GARIN1B: variants seen among roughly 807,000 people sequenced by gnomAD.
The protein encoded by GARIN1B is Golgi-associated RAB2 interactor protein 1B.
the GARIN1B span, among the ~76,000 whole-genome samples, chr7:128,710,905 G>A: frequency 2.6e-5 from 4 of 152,072 alleles, no homozygotes; most frequent in African/African-American, 4.8e-5. Flanking sequence ...TGATCCGCCC[G>A]CCTCAGCCTT....
At chr7:128,722,601 C>G in the GARIN1B span, among the ~76,000 whole-genome samples, 4 of 152,036 alleles carry the variant, frequency 2.6e-5, no homozygotes, top group Admixed American at 1.3e-4. Flanking sequence ...GTCAGGAGAT[C>G]GAGACCAGCC....
the GARIN1B span, chr7:128,715,112 G>T: frequency 4.2e-6 from 1 of 237,946 alleles, no homozygotes; most frequent in Non-Finnish European, 6.8e-6. Flanking sequence ...TTTCCTCTTA[G>T]CAGTGGAAGG....
At chr7:128,712,780 C>T in the GARIN1B span, among the ~76,000 whole-genome samples, 43,320 of 152,098 alleles carry the variant, frequency 0.28, 6,513 homozygotes, top group Middle Eastern at 0.43. Context: ...TTATTGGAAC[C>T]TACATCTATA....
At chr7:128,716,849 G>A in the GARIN1B span, 7 of 1,613,362 alleles carry the variant, frequency 4.3e-6, no homozygotes, top group Non-Finnish European at 5.1e-6. Context: ...CGTCTACAAA[G>A]CTTCCAACAC....
chr7:128,731,032 T>C, the GARIN1B span: 2 of 1,369,310 alleles, frequency 1.5e-6, no homozygotes, highest in Non-Finnish European at 2.1e-6. Flanking sequence ...TAAGTATCTG[T>C]GTGCCCACAA....
At chr7:128,727,272 A>G in the GARIN1B span, among the ~76,000 whole-genome samples, 4 of 152,216 alleles carry the variant, frequency 2.6e-5, no homozygotes, top group Non-Finnish European at 4.4e-5. Context: ...CAAGAAGTTT[A>G]TAATTTGGTG....
chr7:128,728,686 A>G, the GARIN1B span, among the ~76,000 whole-genome samples: 1,221 of 152,276 alleles, frequency 8.0e-3, 8 homozygotes, highest in Non-Finnish European at 0.012. Flanking sequence ...AAGCCAAAAG[A>G]TCTGGACATA....
chr7:128,729,972 C>T, the GARIN1B span: 1,633 of 1,614,172 alleles, frequency 1.0e-3, 22 homozygotes, highest in African/African-American at 0.02. Flanking sequence ...CATTCACGTA[C>T]GGAGAGTGGG....
At chr7:128,716,179 C>A in the GARIN1B span, among the ~76,000 whole-genome samples, 11 of 152,096 alleles carry the variant, frequency 7.2e-5, no homozygotes, top group African/African-American at 2.7e-4. Flanking sequence ...GTTGAACTGA[C>A]CTGAGGATGA....
the GARIN1B span, chr7:128,731,384 G>A: frequency 1.9e-6 from 1 of 533,964 alleles, no homozygotes; most frequent in Non-Finnish European, 3.4e-6. Flanking sequence ...ATGAAGGAAA[G>A]GAGTGAAAGG....
the GARIN1B span, among the ~76,000 whole-genome samples, chr7:128,711,348 C>A: frequency 4.2e-3 from 643 of 152,080 alleles, 7 homozygotes; most frequent in African/African-American, 0.015. Flanking sequence ...AGCAACCAGA[C>A]AAACCTAGAA....
At chr7:128,719,127 CA>C in the GARIN1B span, 11 of 1,593,214 alleles carry the variant, frequency 6.9e-6, no homozygotes, top group Non-Finnish European at 9.4e-6. Flanking sequence ...GCCAAAGCAG[CA>C]AGGTAGAGCT....
chr7:128,722,833 A>G, the GARIN1B span, among the ~76,000 whole-genome samples: 2 of 152,152 alleles, frequency 1.3e-5, no homozygotes, highest in African/African-American at 4.8e-5. Flanking sequence ...TTAAATTTCT[A>G]TAACAAATAT....
the GARIN1B span, among the ~76,000 whole-genome samples, chr7:128,730,319 T>C: frequency 6.6e-6 from 1 of 152,184 alleles, no homozygotes; most frequent in Admixed American, 6.5e-5. Context: ...TCTTGCTGTA[T>C]GGGAGGTGTA....
chr7:128,731,462 G>A, the GARIN1B span: 1 of 388,440 alleles, frequency 2.6e-6, no homozygotes, highest in South Asian at 3.8e-5. Flanking sequence ...GAGAAAGTCA[G>A]CAGATGAGAG....
the GARIN1B span, among the ~76,000 whole-genome samples, chr7:128,716,378 T>A: frequency 6.6e-6 from 1 of 152,008 alleles, no homozygotes; most frequent in South Asian, 2.1e-4. Flanking sequence ...AGAGGATACA[T>A]TTTTCAAAGA....
the GARIN1B span, chr7:128,730,099 T>C: frequency 1.2e-6 from 2 of 1,600,446 alleles, no homozygotes; most frequent in African/African-American, 2.7e-5. Context: ...CCCCTGCCAT[T>C]GTGGGGCAGC....
At chr7:128,725,472 A>T in the GARIN1B span, among the ~76,000 whole-genome samples, 1 of 152,002 alleles carries the variant, frequency 6.6e-6, no homozygotes, top group African/African-American at 2.4e-5. Flanking sequence ...CTCGGGTTCA[A>T]GCGATTCTAA....
At chr7:128,718,355 C>T in the GARIN1B span, among the ~76,000 whole-genome samples, 31,558 of 150,546 alleles carry the variant, frequency 0.21, 3,345 homozygotes, top group South Asian at 0.27. Flanking sequence ...TCGCTTGAAC[C>T]TAGGAGGCGG....
Sources: allele counts gnomAD v4.1 joint callset (sites outside exome capture counted in the v4.1 genomes callset), GRCh38; gene constraint gnomAD v4.1.1; transcripts MANE v1.5; gene names NCBI Gene and HGNC (gene_info 2026-07-23, HGNC 2026-07-21).